Variants in RABEPK observed in about 807,000 individuals in gnomAD.
RABEPK encodes the protein 40 kDa Rab9 effector protein.
A neutral mutation model predicts 34.1 loss-of-function variants in RABEPK; 27 were observed. That is an observed-to-expected ratio of 0.79 (90% CI 0.58 to 1.09). The LOEUF is 1.09. Among genes scored for constraint, RABEPK ranks in the 50% least tolerant of loss-of-function variants. The probability of loss-of-function intolerance (pLI) is 0.00; values close to 1 mark genes in which losing one functional copy is unlikely to be tolerated. For missense variants in RABEPK, 449 were observed against 462.6 expected, an observed-to-expected ratio of 0.97 and a Z score of 0.27; for synonymous variants, 172 against 169.2, an observed-to-expected ratio of 1.02 and a Z score of -0.13.
intron 5 of RABEPK, among the ~76,000 whole-genome samples, chr9:125,224,217 A>C (rs1034348882): frequency 8.6e-5 from 13 of 151,696 alleles, no homozygotes; most frequent in South Asian, 2.1e-4. Context: ...ACAAAACAAA[A>C]AAAAAAAACA....
At chr9:125,229,675 T>A (rs908096659) in intron 6 of RABEPK, among the ~76,000 whole-genome samples, 1 of 152,238 alleles carries the variant, frequency 6.6e-6, no homozygotes, top group African/African-American at 2.4e-5. Flanking sequence ...CTGGATTTCT[T>A]TCTGGTGTTA....
intron 4 of RABEPK, among the ~76,000 whole-genome samples, chr9:125,215,401 C>T (rs1338667702): frequency 6.6e-6 from 1 of 151,534 alleles, no homozygotes; most frequent in African/African-American, 2.4e-5. Context: ...CCTCGACCAC[C>T]CAGGCTCAGG....
intron 3 of RABEPK, among the ~76,000 whole-genome samples, chr9:125,209,529 AG>A (rs1200885708): frequency 6.6e-6 from 1 of 151,780 alleles, no homozygotes; most frequent in Admixed American, 6.6e-5. Flanking sequence ...TTGTATTTTT[AG>A]TAGAGATGGG....
At chr9:125,232,217 TACACACACACAC>T (rs34676967) in intron 6 of RABEPK, among the ~76,000 whole-genome samples, 15 of 118,086 alleles carry the variant, frequency 1.3e-4, no homozygotes, top group Non-Finnish European at 2.8e-4. Context: ...GTATTTAAAG[TACACACACACAC>T]ACACACACAC....
intron 3 of RABEPK, among the ~76,000 whole-genome samples, chr9:125,209,690 C>A (rs149359640): frequency 9.4e-4 from 143 of 152,192 alleles, no homozygotes; most frequent in African/African-American, 3.4e-3. Flanking sequence ...ACATTTGCTG[C>A]ACTGGATATC....
At chr9:125,232,479 T>TC in intron 6 of RABEPK, 117 bp from the exon 7 acceptor site, 2 of 1,208,236 alleles carry the variant, frequency 1.7e-6, no homozygotes, top group Non-Finnish European at 2.3e-6. Context: ...GCACTAAACC[T>TC]CTCAGAGCTC....
In RABEPK at chr9:125,231,894, ATTTT is replaced by A. The variant is rs555538576; in HGVS notation, c.677-683_677-680del. Among the ~76,000 whole-genome samples the A allele has an allele frequency of 3.4e-3, 378 of 112,648 alleles. 1 individual carries two copies. The highest frequency in any genetic ancestry group is 8.0e-3 in the African/African-American group (238 of 29,912). 73.9% of individuals were successfully genotyped at this position (112,648 alleles called of 152,430 possible). A position where few individuals can be genotyped will look rare whatever the true frequency, so the allele number is the denominator to read the frequency against. ...ACTTACAAAATCGCTAAGGAACTGT[ATTTT>A]TTTTTTTTTTTTTTTTTTGAGACGG... On this transcript the variant is annotated intron_variant, in intron 6 of 7. Transcript: ENST00000373538.
intron 4 of RABEPK, among the ~76,000 whole-genome samples, chr9:125,217,435 G>C (rs1050162768): frequency 6.6e-6 from 1 of 152,072 alleles, no homozygotes; most frequent in African/African-American, 2.4e-5. Context: ...GTGTCTCACT[G>C]TGTTGCCAAG....
intron 3 of RABEPK, among the ~76,000 whole-genome samples, chr9:125,208,910 A>G (rs547239506): frequency 6.6e-6 from 1 of 151,958 alleles, no homozygotes; most frequent in South Asian, 2.1e-4. Flanking sequence ...GTTATCTCTC[A>G]ACTAGACTTA....
intron 4 of RABEPK, among the ~76,000 whole-genome samples, chr9:125,217,057 G>A (rs555356776): frequency 2.0e-5 from 3 of 152,234 alleles, no homozygotes; most frequent in African/African-American, 7.2e-5. Context: ...AGGACTAGCA[G>A]TATAATATGG....
intron 4 of RABEPK, among the ~76,000 whole-genome samples, chr9:125,214,187 G>C (rs188082613): frequency 9.9e-5 from 15 of 152,186 alleles, no homozygotes; most frequent in Admixed American, 3.9e-4. Context: ...CAGTGACTGA[G>C]CCAGGCTTAG....
At chr9:125,221,721 G>C (rs1273908384) in intron 5 of RABEPK, 2 of 150,056 alleles carry the variant, frequency 1.3e-5, no homozygotes, top group African/African-American at 4.9e-5. Context: ...TGTTGCCCAG[G>C]CTGGAGTGCA....
chr9:125,209,168 C>A (rs1446724710), intron 3 of RABEPK, among the ~76,000 whole-genome samples: 1 of 149,468 alleles, frequency 6.7e-6, no homozygotes, highest in Admixed American at 6.8e-5. Flanking sequence ...TCAAGCAATT[C>A]TCCTGCCTCA....
intron 4 of RABEPK, among the ~76,000 whole-genome samples, chr9:125,214,660 T>G (rs1830806495): frequency 1.3e-5 from 2 of 152,214 alleles, no homozygotes; most frequent in African/African-American, 4.8e-5. Flanking sequence ...TTTTTGCCTT[T>G]TGTTTGTTTG....
chr9:125,219,656 G>C (rs1316156007), intron 4 of RABEPK, among the ~76,000 whole-genome samples: 4 of 152,014 alleles, frequency 2.6e-5, no homozygotes, highest in African/African-American at 9.6e-5. Flanking sequence ...ACCCACCTTG[G>C]TCTCCCAAAG....
chr9:125,201,758 C>T lies in RABEPK; in HGVS notation c.-7+852C>T, dbSNP rs187128706. Among the ~76,000 whole-genome samples, 696 of 151,814 alleles carry T rather than the reference C, an allele frequency of 4.6e-3. 3 individuals carry two copies. The highest frequency in any genetic ancestry group is 6.6e-3 in the Non-Finnish European group (451 of 67,918). On this transcript the variant is annotated intron_variant, in intron 1 of 7. Coordinates refer to ENST00000373538, the MANE Select transcript of RABEPK (RefSeq NM_005833.4). ...CCTCCTGAGTAGCTGGGACTACAGG[C>T]GTGGGCCACAACGCCCAGCTAATTT...
chr9:125,232,540 G>A (rs531332608), intron 6 of RABEPK, 56 bp from the exon 7 acceptor site: 2 of 1,553,034 alleles, frequency 1.3e-6, no homozygotes, highest in South Asian at 2.5e-5. Context: ...AGATAGATAA[G>A]TTTGAAAGCA....
At chr9:125,203,652 G>T (rs1830037765) in intron 2 of RABEPK, among the ~76,000 whole-genome samples, 1 of 152,200 alleles carries the variant, frequency 6.6e-6, no homozygotes, top group Admixed American at 6.6e-5. Flanking sequence ...CCATGCATCT[G>T]TCTTGCTCTG....
rs777841233 is a variant in RABEPK at position 125,232,576 on chromosome 9, CTCTT to C, written c.677-12_677-9del. 23 of 1,604,764 alleles carry C rather than the reference CTCTT, an allele frequency of 1.4e-5. No homozygotes were observed. In the African/African-American group the frequency reaches 2.1e-4, roughly 15 times the overall value. On this transcript the variant is annotated splice_polypyrimidine_tract_variant and intron_variant, in intron 6 of 7. Transcript: ENST00000373538. The stretch of plus-strand genomic sequence containing the variant: ...CATCTTAGCCCATGCTGCGCCAAAG[CTCTT>C]TCTTTCTCTTGGCAGGTGACATGAA...
Sources: gnomAD v4.1 joint callset for allele counts (sites outside exome capture counted in the v4.1 genomes callset) on GRCh38, gnomAD v4.1.1 for gene constraint, MANE v1.5 for transcripts, NCBI Gene and HGNC (gene_info 2026-07-23, HGNC 2026-07-21) for gene names.